Variants in CLMN observed in about 807,000 individuals in gnomAD.
CLMN encodes the protein calmin, also known as calmin (calponin-like, transmembrane).
In CLMN, 57 loss-of-function variants were observed where a neutral mutation model predicts 92.7. That is an observed-to-expected ratio of 0.61 (90% confidence interval 0.50 to 0.77). The LOEUF is 0.77. Among genes scored for constraint, CLMN ranks in the 30% least tolerant of loss-of-function variants. The probability of loss-of-function intolerance (pLI) is 0.00; values close to 1 mark genes in which losing one functional copy is unlikely to be tolerated. For synonymous variants in CLMN, 466 were observed against 470.6 expected, an observed-to-expected ratio of 0.99 and a Z score of 0.13; for missense variants, 1,158 against 1,237.5, an observed-to-expected ratio of 0.94 and a Z score of 0.96.
chr14:95,315,996 C>A (rs990438666), intron 1 of CLMN, among the ~76,000 whole-genome samples: 11 of 152,210 alleles, frequency 7.2e-5, no homozygotes, highest in African/African-American at 2.7e-4. Flanking sequence ...TGGCCTGACA[C>A]CCCTTTTTGT....
In CLMN at chr14:95,204,351, TC is replaced by T; in HGVS notation, c.997del (p.Glu333SerfsTer27). The T allele has an allele frequency of 6.2e-7, 1 of 1,613,938 alleles. No homozygotes were observed. The highest frequency in any genetic ancestry group is 1.1e-5 in the South Asian group (1 of 91,076). The stretch of plus-strand genomic sequence containing the variant: ...TTCATGGTTAACAGTGTAGGTACGC[TC>T]CCCATTTTCAGTCAGAACGAAGACT... Reference protein sequence around the residue: ...SKVFVLTENGERTYTVNHETS... With the variant: ...SKVFVLTENGXRTYTVNHETS... On this transcript the variant is annotated frameshift_variant, in exon 9 of 13. Transcript: ENST00000298912. LOFTEE classifies it high-confidence loss of function.
At chr14:95,286,180 A>G (rs2140749506) in intron 1 of CLMN, among the ~76,000 whole-genome samples, 1 of 152,366 alleles carries the variant, frequency 6.6e-6, no homozygotes, top group Non-Finnish European at 1.5e-5. Flanking sequence ...AAAGAAAAAT[A>G]CTAAAGTATT....
At chr14:95,319,664 GC>G (rs773538290) in intron 1 of CLMN, 46 bp downstream of exon 1, 26 of 1,496,710 alleles carry the variant, frequency 1.7e-5, no homozygotes, top group Admixed American at 7.2e-5. Flanking sequence ...GGCGCCCCGG[GC>G]CCCCCGAGCG....
chr14:95,275,063 G>T (rs1360283281), intron 1 of CLMN, among the ~76,000 whole-genome samples: 3 of 151,822 alleles, frequency 2.0e-5, no homozygotes, highest in Admixed American at 2.0e-4. Context: ...TCTAGCCCTG[G>T]AGGTACATAT....
At chr14:95,319,600 C>T in intron 1 of CLMN, 111 bp downstream of exon 1, 1 of 886,996 alleles carries the variant, frequency 1.1e-6, no homozygotes, top group Non-Finnish European at 1.7e-6. Flanking sequence ...GTGACAGGAA[C>T]AACGAGCGGC....
chr14:95,268,092 A>G (rs912034117), intron 1 of CLMN, among the ~76,000 whole-genome samples: 8 of 152,210 alleles, frequency 5.3e-5, no homozygotes, highest in African/African-American at 1.9e-4. Context: ...AATAAGACCT[A>G]GTGTTCAATA....
At chr14:95,311,855 C>T (rs527464473) in intron 1 of CLMN, among the ~76,000 whole-genome samples, 7 of 152,058 alleles carry the variant, frequency 4.6e-5, no homozygotes, top group East Asian at 1.9e-4. Context: ...AACATAGAGG[C>T]GACCACTGTG....
rs952789445 is a variant in CLMN, at chr14:95,215,815, C to CTCTGTGTG, written c.325-83_325-82insCACACAGA. The CTCTGTGTG allele has an allele frequency of 5.9e-5, 34 of 571,868 alleles. 1 individual carries two copies. In the East Asian group the frequency reaches 7.4e-4, roughly 12 times the overall value. 35.4% of individuals were successfully genotyped at this position (571,868 alleles called of 1,614,324 possible). ...TTATTTTCTGGTTCTCTCTCTCTCT[C>CTCTGTGTG]TGTGTGTGTGTGTGTGTGTGTGTGT... On this transcript the variant is annotated intron_variant, in intron 4 of 12. Transcript: ENST00000298912.
In CLMN at chr14:95,194,518, A is replaced by G. The variant is rs759792211; in HGVS notation, c.2769+18T>C. ...TTAGCAGGGGCCGTGCGGAAAGAGA[A>G]GAAATTCACATACTAACCGATTCCG... On this transcript the variant is annotated intron_variant, in intron 11 of 12. Coordinates refer to ENST00000298912, the MANE Select transcript of CLMN (RefSeq NM_024734.4). This position sits in a 1 kb window ranked among gnomAD's most constrained non-coding sequence, Gnocchi z 4.0. 1.1e-5 allele frequency: 17 copies of G among 1,614,080 alleles called. No individual in the cohort carries two copies. The highest frequency in any genetic ancestry group is 1.3e-5 in the African/African-American group (1 of 74,938).
chr14:95,282,630 G>A (rs1323386192), intron 1 of CLMN, among the ~76,000 whole-genome samples: 2 of 152,236 alleles, frequency 1.3e-5, no homozygotes, highest in African/African-American at 4.8e-5. Flanking sequence ...CACCTATGCA[G>A]AGGGCAGGCA....
chr14:95,305,369 T>G (rs1450980435), intron 1 of CLMN, among the ~76,000 whole-genome samples: 1 of 152,180 alleles, frequency 6.6e-6, no homozygotes, highest in Non-Finnish European at 1.5e-5. Flanking sequence ...ACCCTGTCCA[T>G]CATGACCATC....
intron 1 of CLMN, among the ~76,000 whole-genome samples, chr14:95,250,986 G>A (rs770481492): frequency 7.2e-5 from 11 of 152,136 alleles, no homozygotes; most frequent in Non-Finnish European, 1.5e-4. Flanking sequence ...ATTAGGAGAG[G>A]GCTGGTTCTT....
intron 1 of CLMN, among the ~76,000 whole-genome samples, chr14:95,253,172 C>T (rs1487822971): frequency 6.6e-6 from 1 of 152,164 alleles, no homozygotes; most frequent in Non-Finnish European, 1.5e-5. Context: ...CCCTGACCAC[C>T]CACATTGGAA....
At position 95,196,655 on chromosome 14, in the gene CLMN, G is replaced by C; in HGVS notation, c.2551C>G (p.Leu851Val). ...SPNLENIANP[L>V]EENVTKESIS... ...GATTCTTTCGTTACATTTTCTTCTA[G>C]GGGGTTTGCTATGTTTTCCAGGTTT... is the stretch of plus-strand genomic sequence containing the variant. Residue 851 changes from leucine (L) to valine (V), a missense_variant, in exon 10 of 13, where the codon CTA (leucine) becomes GTA (valine). Leu to Val is a conservative substitution (Grantham distance 32). Coordinates refer to ENST00000298912, the MANE Select transcript of CLMN (RefSeq NM_024734.4). 6.2e-7 allele frequency: 1 copy of C among 1,613,540 alleles called. No individual in the cohort carries two copies. Among genetic ancestry groups the C allele is most frequent in the African/African-American group, 1.3e-5 (1 of 74,882 alleles).
chr14:95,228,357 A>G (rs987283658), intron 2 of CLMN, among the ~76,000 whole-genome samples: 1 of 152,182 alleles, frequency 6.6e-6, no homozygotes, highest in Non-Finnish European at 1.5e-5. Flanking sequence ...TGTGCCAATA[A>G]TCAAAACAAC....
intron 2 of CLMN, 36 bp downstream of exon 2, chr14:95,230,036 A>C: frequency 6.3e-7 from 1 of 1,594,544 alleles, no homozygotes; most frequent in Non-Finnish European, 8.6e-7. Context: ...TTACAGATGA[A>C]TCTATCACTT....
intron 4 of CLMN, among the ~76,000 whole-genome samples, chr14:95,220,843 A>T (rs1321135595): frequency 1.3e-5 from 2 of 152,120 alleles, no homozygotes; most frequent in Non-Finnish European, 2.9e-5. Flanking sequence ...GGCTGCCCAG[A>T]GGTTGCAGGG....
chr14:95,283,377 G>C (rs1217120172), intron 1 of CLMN, among the ~76,000 whole-genome samples: 4 of 152,178 alleles, frequency 2.6e-5, no homozygotes, highest in Non-Finnish European at 5.9e-5. Flanking sequence ...TTTATCAGCA[G>C]TGTGAAAAAT....
intron 1 of CLMN, among the ~76,000 whole-genome samples, chr14:95,271,133 C>A (rs1206940099): frequency 1.3e-5 from 2 of 152,306 alleles, no homozygotes; most frequent in Non-Finnish European, 1.5e-5. Context: ...TACTCAAATC[C>A]TTTGCCCATT....
Sources: gnomAD v4.1 joint callset for allele counts (sites outside exome capture counted in the v4.1 genomes callset) on GRCh38, gnomAD v4.1.1 for gene constraint, Gnocchi (gnomAD v3.1) non-coding constraint, MANE v1.5 for transcripts, NCBI Gene and HGNC (gene_info 2026-07-23, HGNC 2026-07-21) for gene names.